DENND4A: variants seen among roughly 807,000 people sequenced by gnomAD.
The protein encoded by DENND4A is C-myc promoter-binding protein.
DENND4A carries 70 observed loss-of-function variants against 199.3 expected under a neutral mutation model. The ratio of observed to expected loss-of-function variants is 0.35; its 90% confidence interval spans 0.29 to 0.43. DENND4A has a LOEUF of 0.43. DENND4A is among the 20% of genes least tolerant of loss of function. DENND4A has a pLI of 1.00. For synonymous variants in DENND4A, 686 were observed against 766.9 expected (o/e 0.89, Z 1.74); for missense variants, 1,723 against 2,255.8 (o/e 0.76, Z 4.78).
chr15:65,691,323 T>C lies in DENND4A; in HGVS notation c.3271A>G (p.Ile1091Val). 1.2e-6 allele frequency: 2 copies of C among 1,613,574 alleles called. No individual in the cohort carries two copies. Among genetic ancestry groups the C allele is most frequent in the Non-Finnish European group, 1.7e-6 (2 of 1,179,750 alleles). ...TCTCCAGGGGTTGCTTCCTGGTTAATTCTATTGAGCATAAATCCCATCAGT... is the reference window on the plus strand; with the variant it reads ...TCTCCAGGGGTTGCTTCCTGGTTAACTCTATTGAGCATAAATCCCATCAGT... ...GVLMGFMLNRINQEATPGDIV... is the reference protein window; with the variant it reads ...GVLMGFMLNRVNQEATPGDIV... The change falls in exon 23 of 33, where the codon ATT becomes GTT. Residue 1091 changes from isoleucine (I) to valine (V), a missense_variant. Physicochemically the swap from Ile to Val is conservative, Grantham distance 29. Transcript: ENST00000443035.
At chr15:65,720,698 C>T (rs1023980568) in intron 12 of DENND4A, among the ~76,000 whole-genome samples, 2 of 151,548 alleles carry the variant, frequency 1.3e-5, no homozygotes, top group African/African-American at 2.4e-5. Context: ...AGGTATGAGC[C>T]ACTACGCCCA....
chr15:65,773,640 T>C (rs1173290137), intron 1 of DENND4A, among the ~76,000 whole-genome samples: 2 of 152,174 alleles, frequency 1.3e-5, no homozygotes, highest in Admixed American at 1.3e-4. Context: ...AAAAGTATAT[T>C]TGAATATACC....
intron 27 of DENND4A, 23 bp downstream of exon 27, chr15:65,669,756 T>C (rs975578999): frequency 1.3e-6 from 2 of 1,573,566 alleles, no homozygotes; most frequent in Middle Eastern, 1.7e-4. Context: ...TGTTAAAATA[T>C]AGTTCCACAT....
At chr15:65,705,632 A>G (rs1431666957) in intron 15 of DENND4A, among the ~76,000 whole-genome samples, 3 of 152,314 alleles carry the variant, frequency 2.0e-5, no homozygotes, top group Admixed American at 2.0e-4. Flanking sequence ...GAAAAAAATT[A>G]GTAACTTAAA....
intron 16 of DENND4A, 141 bp downstream of exon 16, chr15:65,702,732 G>A (rs1238866904): frequency 2.2e-6 from 2 of 927,890 alleles, no homozygotes; most frequent in Non-Finnish European, 3.2e-6. Flanking sequence ...AAGTCAGATT[G>A]CTCCATCTTC....
rs1216318684 is a variant in DENND4A at position 65,666,409 on chromosome 15, A to C, written c.5242-947T>G. On this transcript the variant is annotated intron_variant, in intron 29 of 32. Transcript: ENST00000443035. ...AGCAGGTGGCATACACAGCGTGGATACACCGAACAAAGGGATGATTCACAT... is the reference window on the plus strand; with the variant it reads ...AGCAGGTGGCATACACAGCGTGGATCCACCGAACAAAGGGATGATTCACAT... Among the ~76,000 whole-genome samples the C allele has an allele frequency of 3.3e-5, 5 of 152,332 alleles. No individual in the cohort carries two copies. The East Asian group carries it at 5.8e-4, about 18-fold the overall frequency.
intron 1 of DENND4A, among the ~76,000 whole-genome samples, chr15:65,781,279 G>C (rs1375272262): frequency 6.6e-6 from 1 of 152,138 alleles, no homozygotes; most frequent in Non-Finnish European, 1.5e-5. Flanking sequence ...AAGTCATGGA[G>C]AGTTTTAATG....
At chr15:65,750,722 T>C (rs2076537854) in intron 4 of DENND4A, among the ~76,000 whole-genome samples, 2 of 152,008 alleles carry the variant, frequency 1.3e-5, no homozygotes, top group Non-Finnish European at 2.9e-5. Context: ...TCTTTGAGTA[T>C]ACATTCCTTT....
intron 22 of DENND4A, among the ~76,000 whole-genome samples, chr15:65,693,922 G>C (rs1567013484): frequency 6.6e-6 from 1 of 151,924 alleles, no homozygotes; most frequent in Non-Finnish European, 1.5e-5. Flanking sequence ...GAATCTAAAA[G>C]ATATTTACTG....
chr15:65,661,816 A>ATTGT lies in DENND4A; in HGVS notation c.*34_*35insACAA. 1 of 1,555,520 alleles carries ATTGT rather than the reference A, an allele frequency of 6.4e-7. No individual in the cohort carries two copies. The highest frequency in any genetic ancestry group is 8.7e-7 in the Non-Finnish European group (1 of 1,144,272). On this transcript the variant is annotated 3_prime_UTR_variant, in exon 33 of 33. Coordinates refer to ENST00000443035, the MANE Select transcript of DENND4A (RefSeq NM_001320835.1). ...GTGTTATTTTATACACTGACTATAC[A>ATTGT]ATATACATTGAATGTTTACACATAC...
chr15:65,755,865 A>G (rs2076688233), intron 3 of DENND4A, among the ~76,000 whole-genome samples: 1 of 152,176 alleles, frequency 6.6e-6, no homozygotes, highest in African/African-American at 2.4e-5. Context: ...TCAGGATAAC[A>G]CTTTAATTTT....
intron 23 of DENND4A, among the ~76,000 whole-genome samples, chr15:65,687,829 T>C (rs2076843072): frequency 6.6e-6 from 1 of 152,214 alleles, no homozygotes; most frequent in Admixed American, 6.5e-5. Flanking sequence ...AGCAGGTGAA[T>C]ATCTCTGATT....
chr15:65,675,935 G>A (rs906145560), intron 24 of DENND4A, among the ~76,000 whole-genome samples: 1 of 151,736 alleles, frequency 6.6e-6, no homozygotes, highest in African/African-American at 2.4e-5. Flanking sequence ...CCATTAATAG[G>A]GAAGTCGCTA....
At chr15:65,743,047 C>T (rs1182057107) in intron 4 of DENND4A, among the ~76,000 whole-genome samples, 1 of 152,060 alleles carries the variant, frequency 6.6e-6, no homozygotes, top group Admixed American at 6.5e-5. Context: ...TACAATTTAA[C>T]GTGATTTGTA....
At chr15:65,663,434 C>G (rs1318466083) in intron 32 of DENND4A, among the ~76,000 whole-genome samples, 1 of 151,920 alleles carries the variant, frequency 6.6e-6, no homozygotes. Context: ...GCCTCGAACT[C>G]CTGACCTCAG....
intron 22 of DENND4A, among the ~76,000 whole-genome samples, chr15:65,692,628 C>T (rs1037540951): frequency 6.6e-5 from 10 of 152,046 alleles, no homozygotes; most frequent in Admixed American, 2.6e-4. Context: ...AAGGATATAC[C>T]GTTAACAAGA....
At chr15:65,699,661 A>G (rs972936559) in intron 20 of DENND4A, among the ~76,000 whole-genome samples, 1 of 148,148 alleles carries the variant, frequency 6.8e-6, no homozygotes, top group African/African-American at 2.5e-5. Flanking sequence ...AATATTATAC[A>G]TATATTATTT....
chr15:65,771,694 A>C (rs1044828451), intron 1 of DENND4A: 27 of 1,609,740 alleles, frequency 1.7e-5, no homozygotes, highest in Middle Eastern at 1.7e-4. Context: ...ATCCACCCCC[A>C]AAAAATATAT....
chr15:65,697,243 A>G, intron 21 of DENND4A, 24 bp downstream of exon 21: 1 of 1,376,230 alleles, frequency 7.3e-7, no homozygotes, highest in Non-Finnish European at 1.0e-6. Flanking sequence ...AATTTTATAC[A>G]ATATCAACTT....
Sources: gnomAD v4.1 joint callset for allele counts (sites outside exome capture counted in the v4.1 genomes callset) on GRCh38, gnomAD v4.1.1 for gene constraint, MANE v1.5 for transcripts, NCBI Gene and HGNC (gene_info 2026-07-23, HGNC 2026-07-21) for gene names.